SDHAF3: variants seen among roughly 807,000 people sequenced by gnomAD.
The protein encoded by SDHAF3 is succinate dehydrogenase assembly factor 3, mitochondrial.
A neutral mutation model predicts 11.5 loss-of-function variants in SDHAF3; 18 were observed. The ratio of observed to expected loss-of-function variants is 1.56; its 90% CI spans 1.08 to 2.32. The LOEUF (loss-of-function observed/expected upper bound fraction) is 2.32, where lower values mean the gene tolerates loss of function less well. Ranked by LOEUF, SDHAF3 falls within the 30% of genes most tolerant of loss-of-function variation. The pLI is 0.00. For synonymous variants in SDHAF3, 72 were observed against 59.3 expected, an observed-to-expected ratio of 1.21 and a Z score of -0.99; for missense variants, 200 against 154.4, an observed-to-expected ratio of 1.30 and a Z score of -1.57.
chr7:97,124,990 C>T (rs574685226), intron 1 of SDHAF3, among the ~76,000 whole-genome samples: 5 of 152,170 alleles, frequency 3.3e-5, no homozygotes, highest in Admixed American at 1.3e-4. Flanking sequence ...ATTTTTTTCT[C>T]TTGCCTGATT....
chr7:97,175,204 C>T (rs535519291), intron 1 of SDHAF3, among the ~76,000 whole-genome samples: 56 of 152,164 alleles, frequency 3.7e-4, no homozygotes, highest in Non-Finnish European at 6.0e-4. Context: ...TAAATGAGTT[C>T]TAAAATTGAA....
chr7:97,125,256 G>A (rs1417274504), intron 1 of SDHAF3, among the ~76,000 whole-genome samples: 1 of 151,976 alleles, frequency 6.6e-6, no homozygotes, highest in Non-Finnish European at 1.5e-5. Flanking sequence ...GTTATTTCTT[G>A]TCTTCTGCTA....
chr7:97,150,001 T>A (rs1450404487), intron 1 of SDHAF3, among the ~76,000 whole-genome samples: 2 of 152,248 alleles, frequency 1.3e-5, no homozygotes, highest in Middle Eastern at 3.2e-3. Flanking sequence ...CACGCATCCT[T>A]GCCAGGAGTA....
intron 1 of SDHAF3, among the ~76,000 whole-genome samples, chr7:97,137,611 G>T (rs566069999): frequency 3.3e-4 from 51 of 152,264 alleles, no homozygotes; most frequent in South Asian, 8.3e-4. Context: ...TAGGGGTTAT[G>T]GATATTAGTA....
intron 1 of SDHAF3, among the ~76,000 whole-genome samples, chr7:97,124,356 C>T (rs1651937109): frequency 1.3e-5 from 2 of 152,102 alleles, no homozygotes; most frequent in African/African-American, 2.4e-5. Flanking sequence ...ATCTATATGT[C>T]TGTTTTGGTG....
At chr7:97,173,499 ACT>A (rs1789635407) in intron 1 of SDHAF3, among the ~76,000 whole-genome samples, 1 of 150,730 alleles carries the variant, frequency 6.6e-6, no homozygotes, top group Admixed American at 6.6e-5. Context: ...TTTAACGTAG[ACT>A]CTTTAAAGTC....
chr7:97,165,712 A>G (rs996252843), intron 1 of SDHAF3, among the ~76,000 whole-genome samples: 1 of 152,228 alleles, frequency 6.6e-6, no homozygotes, highest in African/African-American at 2.4e-5. Context: ...GTGAAACTGA[A>G]GAGGTTAATA....
At chr7:97,139,776 TTAAG>T (rs1344333460) in intron 1 of SDHAF3, among the ~76,000 whole-genome samples, 3 of 152,242 alleles carry the variant, frequency 2.0e-5, no homozygotes, top group African/African-American at 7.2e-5. Context: ...TTATTCTTAA[TTAAG>T]TCTTTCTTCT....
intron 1 of SDHAF3, among the ~76,000 whole-genome samples, chr7:97,180,772 C>T (rs1789758352): frequency 6.6e-6 from 1 of 152,144 alleles, no homozygotes; most frequent in Non-Finnish European, 1.5e-5. Flanking sequence ...CCACTCTTTA[C>T]TTATATCCAG....
chr7:97,137,622 CA>C (rs373909027), intron 1 of SDHAF3, among the ~76,000 whole-genome samples: 1 of 152,246 alleles, frequency 6.6e-6, no homozygotes, highest in East Asian at 1.9e-4. Flanking sequence ...GATATTAGTA[CA>C]TAGTATCTTT....
chr7:97,118,563 T>C, intron 1 of SDHAF3, among the ~76,000 whole-genome samples: 1 of 152,194 alleles, frequency 6.6e-6, no homozygotes. Context: ...TTTTTTTTTT[T>C]TTTGAGTAAA....
chr7:97,174,392 C>T (rs1362575854), intron 1 of SDHAF3, among the ~76,000 whole-genome samples: 1 of 152,158 alleles, frequency 6.6e-6, no homozygotes, highest in African/African-American at 2.4e-5. Context: ...AACTACAGTA[C>T]TGTTATAGAA....
At chr7:97,176,288 C>T (rs1442040705) in intron 1 of SDHAF3, among the ~76,000 whole-genome samples, 1 of 152,132 alleles carries the variant, frequency 6.6e-6, no homozygotes, top group Non-Finnish European at 1.5e-5. Context: ...CTTAACTTAC[C>T]CTGAGGAAGC....
intron 1 of SDHAF3, among the ~76,000 whole-genome samples, chr7:97,150,398 A>G (rs965785309): frequency 5.9e-5 from 9 of 152,220 alleles, no homozygotes; most frequent in African/African-American, 1.9e-4. Flanking sequence ...TTTTTAAAAT[A>G]AGACTTGAAA....
intron 1 of SDHAF3, among the ~76,000 whole-genome samples, chr7:97,171,940 C>G (rs1172920228): frequency 6.6e-6 from 1 of 152,086 alleles, no homozygotes; most frequent in Non-Finnish European, 1.5e-5. Context: ...GCTTTGATCT[C>G]TGCTGTTAAG....
At chr7:97,160,451 CAAAA>C (rs1190829535) in intron 1 of SDHAF3, among the ~76,000 whole-genome samples, 2 of 150,618 alleles carry the variant, frequency 1.3e-5, no homozygotes, top group Non-Finnish European at 2.9e-5. Flanking sequence ...GCGGTTTTGT[CAAAA>C]AGAAAAGGGG....
intron 1 of SDHAF3, among the ~76,000 whole-genome samples, chr7:97,163,432 G>A (rs754722593): frequency 5.8e-4 from 89 of 152,238 alleles, no homozygotes; most frequent in African/African-American, 1.9e-3. Flanking sequence ...GAGCCACTGC[G>A]CCTGGCCTAT....
intron 1 of SDHAF3, among the ~76,000 whole-genome samples, chr7:97,156,964 CTCCCCCAG>C: frequency 6.6e-6 from 1 of 152,216 alleles, no homozygotes; most frequent in Non-Finnish European, 1.5e-5. Context: ...AATGCTATCC[CTCCCCCAG>C]TCCCCCAGCC....
intron 1 of SDHAF3, among the ~76,000 whole-genome samples, chr7:97,127,562 G>A (rs1791594135): frequency 1.3e-5 from 2 of 152,050 alleles, no homozygotes; most frequent in South Asian, 4.1e-4. Context: ...TTATTAAGTG[G>A]CATGTCACCT....
Sources: gnomAD v4.1 joint callset for allele counts (sites outside exome capture counted in the v4.1 genomes callset) on GRCh38, gnomAD v4.1.1 for gene constraint, MANE v1.5 for transcripts, NCBI Gene and HGNC (gene_info 2026-07-23, HGNC 2026-07-21) for gene names.